PRR5: variants seen among roughly 807,000 people sequenced by gnomAD.
The protein encoded by PRR5 is proline rich 5.
In PRR5, 25 loss-of-function variants were observed where a neutral mutation model predicts 30.6. That is an observed-to-expected ratio of 0.82 (90% confidence interval 0.60 to 1.14). The LOEUF (loss-of-function observed/expected upper bound fraction) is 1.14, where lower values mean the gene tolerates loss of function less well. PRR5 is among the 50% of genes most tolerant of loss of function. The pLI, the probability that PRR5 is intolerant of heterozygous loss-of-function variation, is 0.00. For missense variants in PRR5, 600 were observed against 547.1 expected (o/e 1.10, Z -0.96); for synonymous variants, 286 against 247.1 (o/e 1.16, Z -1.48).
chr22:44,690,640 A>G (rs1925156405), intron 1 of PRR5, among the ~76,000 whole-genome samples: 1 of 152,208 alleles, frequency 6.6e-6, no homozygotes, highest in Admixed American at 6.5e-5. Context: ...CGAGGTCGAC[A>G]TCTATTAAGT....
chr22:44,718,952 C>A (rs1929519263), intron 2 of PRR5, among the ~76,000 whole-genome samples: 2 of 152,142 alleles, frequency 1.3e-5, no homozygotes, highest in Admixed American at 1.3e-4. Flanking sequence ...GCTGTCATTT[C>A]ACTTTATTTC....
intron 4 of PRR5, among the ~76,000 whole-genome samples, chr22:44,728,135 G>C (rs1921205416): frequency 6.6e-6 from 1 of 152,168 alleles, no homozygotes; most frequent in Non-Finnish European, 1.5e-5. Flanking sequence ...AGGGGTGCCT[G>C]CCCAGCAGAA....
intron 1 of PRR5, chr22:44,677,308 C>G (rs969443651): frequency 2.0e-5 from 3 of 152,376 alleles, no homozygotes; most frequent in Non-Finnish European, 4.4e-5. Context: ...TGCGGCGTGT[C>G]GGGTCTCATA....
intron 1 of PRR5, among the ~76,000 whole-genome samples, chr22:44,704,760 G>A (rs1352769361): frequency 6.6e-6 from 1 of 151,866 alleles, no homozygotes; most frequent in Non-Finnish European, 1.5e-5. Flanking sequence ...GCACCCAGGA[G>A]ACATGCCCAG....
intron 1 of PRR5, among the ~76,000 whole-genome samples, chr22:44,683,171 A>G (rs1924442549): frequency 6.6e-6 from 1 of 152,166 alleles, no homozygotes; most frequent in African/African-American, 2.4e-5. Context: ...CTGGGAGCTG[A>G]TTGCTCAGGC....
chr22:44,703,610 C>T (rs1258752902), intron 1 of PRR5, among the ~76,000 whole-genome samples: 1 of 152,208 alleles, frequency 6.6e-6, no homozygotes, highest in Non-Finnish European at 1.5e-5. Flanking sequence ...CCGTTTCCCT[C>T]TCCGTCAGTG....
At chr22:44,720,513 C>T (rs1929762335) in intron 2 of PRR5, among the ~76,000 whole-genome samples, 1 of 152,154 alleles carries the variant, frequency 6.6e-6, no homozygotes, top group Non-Finnish European at 1.5e-5. Flanking sequence ...GAAGGGGTCT[C>T]ACAGGTCAGG....
intron 6 of PRR5, chr22:44,734,698 A>G (rs1922869534): frequency 3.3e-6 from 1 of 305,938 alleles, no homozygotes; most frequent in Admixed American, 4.7e-5. Flanking sequence ...GAGACTGTCC[A>G]AAGCCTCTAG....
intron 1 of PRR5, among the ~76,000 whole-genome samples, chr22:44,684,405 G>A (rs1253820898): frequency 1.3e-5 from 2 of 152,220 alleles, no homozygotes; most frequent in Non-Finnish European, 2.9e-5. Context: ...AATTAGCTGG[G>A]CGTGGTGGCG....
At chr22:44,714,315 A>G (rs1928721532) in intron 1 of PRR5, among the ~76,000 whole-genome samples, 1 of 152,162 alleles carries the variant, frequency 6.6e-6, no homozygotes, top group African/African-American at 2.4e-5. Context: ...GAACCCAGAA[A>G]GGAAGCTGGC....
chr22:44,705,323 C>G (rs997002599), intron 1 of PRR5, among the ~76,000 whole-genome samples: 1 of 152,118 alleles, frequency 6.6e-6, no homozygotes, highest in Non-Finnish European at 1.5e-5. Context: ...CTTTCTCTCT[C>G]TCTATTTTTT....
At chr22:44,670,617 G>A (rs907553258) in intron 1 of PRR5, among the ~76,000 whole-genome samples, 6 of 152,266 alleles carry the variant, frequency 3.9e-5, no homozygotes, top group Admixed American at 3.9e-4. Context: ...TTAACTGGGT[G>A]GCGATGGGGA....
chr22:44,731,319 A>T (rs1921921696), intron 4 of PRR5: 1 of 284,758 alleles, frequency 3.5e-6, no homozygotes, highest in African/African-American at 2.2e-5. Context: ...TGTCAGGCGT[A>T]CGTGTAGGGG....
chr22:44,686,909 G>A (rs1398496851), intron 1 of PRR5, among the ~76,000 whole-genome samples: 1 of 152,186 alleles, frequency 6.6e-6, no homozygotes, highest in African/African-American at 2.4e-5. Context: ...ACCACACCCG[G>A]CAAATACGAT....
intron 1 of PRR5, among the ~76,000 whole-genome samples, chr22:44,697,104 C>T (rs1397295630): frequency 6.6e-6 from 1 of 152,142 alleles, no homozygotes; most frequent in African/African-American, 2.4e-5. Flanking sequence ...TAGCAGGGAC[C>T]ATGTCTTTCT....
rs187325956 is a variant in PRR5 at position 44,736,625 on chromosome 22, C to T, written c.692-147C>T. The T allele has an allele frequency of 2.7e-5, 36 of 1,350,550 alleles. No individual in the cohort carries two copies. In the Admixed American group the frequency reaches 4.5e-4, roughly 17 times the overall value. The allele number at this position is 1,350,550 out of a possible 1,614,324, so 83.7% of individuals were successfully genotyped here. On this transcript the variant is annotated intron_variant, in intron 7 of 7. Coordinates refer to ENST00000336985, the MANE Select transcript of PRR5 (RefSeq NM_181333.4). ...CCTGAGCTGGTGTCAGGGCTTGTGG[C>T]GGTGGGACCTGCTGAGCCGGGCCCC...
At chr22:44,700,969 G>C (rs5765915), upstream of PRR5, among the ~76,000 whole-genome samples, 45,197 of 152,092 alleles carry the variant, frequency 0.3, 7,112 homozygotes, top group East Asian at 0.44. Context: ...TGCAACCTCT[G>C]CCTCCCAGGT....
In PRR5 at chr22:44,733,020, TGCACATACAC is replaced by T. The variant is rs1264331107; in HGVS notation, c.555+630_555+639del. Among the ~76,000 whole-genome samples, 10 of 38,784 alleles carry T rather than the reference TGCACATACAC, an allele frequency of 2.6e-4. No individual in the cohort carries two copies. In the Admixed American group the frequency reaches 2.7e-3, roughly 11 times the overall value. 25.4% of individuals were successfully genotyped at this position (38,784 alleles called of 152,430 possible). A position where few individuals can be genotyped will look rare whatever the true frequency, so the allele number is the denominator to read the frequency against. ...CGCACACATACTACACACGTGCACA[TGCACATACAC>T]ACTACACACATACTTGCATGCACGC... On this transcript the variant is annotated intron_variant, in intron 6 of 7. Coordinates refer to ENST00000336985, the MANE Select transcript of PRR5 (RefSeq NM_181333.4).
intron 2 of PRR5, among the ~76,000 whole-genome samples, chr22:44,722,737 G>A (rs572602968): frequency 9.2e-5 from 14 of 152,186 alleles, no homozygotes; most frequent in Admixed American, 2.6e-4. Flanking sequence ...AGAGCTGACC[G>A]GAGCAGGAAC....
Sources: allele counts gnomAD v4.1 joint callset (sites outside exome capture counted in the v4.1 genomes callset), GRCh38; gene constraint gnomAD v4.1.1; transcripts MANE v1.5; gene names NCBI Gene and HGNC (gene_info 2026-07-23, HGNC 2026-07-21).